The following SWT1 variants were observed in gnomAD, a reference collection of about 807,000 sequenced individuals.
SWT1 encodes SWT1 RNA endoribonuclease homolog, also known as transcriptional protein SWT1.
In SWT1, 33 loss-of-function variants were observed where a neutral mutation model predicts 107.3. That is an observed-to-expected ratio of 0.31 (90% CI 0.23 to 0.41). The LOEUF (loss-of-function observed/expected upper bound fraction) is 0.41, where lower values mean the gene tolerates loss of function less well. Ranked by LOEUF, SWT1 falls within the 10% of genes least tolerant of loss-of-function variation. The pLI, the probability that SWT1 is intolerant of heterozygous loss-of-function variation, is 1.00. For synonymous variants in SWT1, 345 were observed against 348.3 expected (o/e 0.99, Z 0.11); for missense variants, 898 against 1,028.9 (o/e 0.87, Z 1.74).
At chr1:185,231,763 C>T (rs1660523666) in intron 16 of SWT1, 55 bp downstream of exon 16, 1 of 1,431,210 alleles carries the variant, frequency 7.0e-7, no homozygotes, top group South Asian at 1.2e-5. Flanking sequence ...TCTCTTTCTC[C>T]TAGGCTTACC....
At chr1:185,193,679 A>G (rs1657147104) in intron 10 of SWT1, among the ~76,000 whole-genome samples, 1 of 151,898 alleles carries the variant, frequency 6.6e-6, no homozygotes, top group Non-Finnish European at 1.5e-5. Context: ...GTTGGCCAGG[A>G]TGATCTTGAT....
intron 18 of SWT1, among the ~76,000 whole-genome samples, chr1:185,288,075 A>G (rs898130297): frequency 1.3e-5 from 2 of 152,194 alleles, no homozygotes; most frequent in African/African-American, 4.8e-5. Context: ...TTCGTTTTTA[A>G]GTTTGTAAGA....
At chr1:185,167,669 C>A (rs960071185) in intron 3 of SWT1, among the ~76,000 whole-genome samples, 2 of 151,934 alleles carry the variant, frequency 1.3e-5, no homozygotes, top group Non-Finnish European at 2.9e-5. Context: ...ATCCAGTTTT[C>A]TTTTTTTTGT....
At chr1:185,188,036 C>T (rs1365099941) in intron 9 of SWT1, among the ~76,000 whole-genome samples, 1 of 152,158 alleles carries the variant, frequency 6.6e-6, no homozygotes, top group Non-Finnish European at 1.5e-5. Context: ...TTTAAGCATT[C>T]ACTATTGCCA....
At chr1:185,218,161 A>T (rs1659366252) in intron 14 of SWT1, among the ~76,000 whole-genome samples, 1 of 152,224 alleles carries the variant, frequency 6.6e-6, no homozygotes, top group African/African-American at 2.4e-5. Flanking sequence ...CAACAAATAG[A>T]TTACCTCCAA....
chr1:185,224,206 G>A (rs553451057), intron 15 of SWT1, among the ~76,000 whole-genome samples: 3 of 152,204 alleles, frequency 2.0e-5, no homozygotes, highest in African/African-American at 7.2e-5. Flanking sequence ...TTTTCCCAAT[G>A]TGTGTTCTTG....
rs146017104 is a variant in SWT1, at chr1:185,234,035, C to T, written c.2441+2327C>T. Among the ~76,000 whole-genome samples the T allele has an allele frequency of 3.9e-3, 595 of 152,288 alleles. 1 individual carries two copies. Among genetic ancestry groups the T allele is most frequent in the South Asian group, 0.028 (136 of 4,832 alleles). On this transcript the variant is annotated intron_variant, in intron 16 of 18. Coordinates refer to ENST00000367500, the MANE Select transcript of SWT1 (RefSeq NM_017673.7). The stretch of plus-strand genomic sequence containing the variant: ...CTGGGATTACAGGCGTGAGCCTCTG[C>T]GCCCGGCCTAATTTTAAAATAAGGG...
intron 6 of SWT1, among the ~76,000 whole-genome samples, chr1:185,180,934 G>C (rs191523235): frequency 1.2e-3 from 179 of 152,304 alleles, no homozygotes; most frequent in African/African-American, 4.0e-3. Flanking sequence ...CTTGTCCTAA[G>C]TTAAGATGAG....
chr1:185,205,322 C>G (rs1442876989), intron 12 of SWT1, among the ~76,000 whole-genome samples: 2 of 152,116 alleles, frequency 1.3e-5, no homozygotes, highest in Non-Finnish European at 2.9e-5. Context: ...ACCTTTTTGA[C>G]AATCAGTAAA....
intron 2 of SWT1, among the ~76,000 whole-genome samples, chr1:185,163,086 A>G (rs374022075): frequency 6.6e-6 from 1 of 152,134 alleles, no homozygotes; most frequent in East Asian, 1.9e-4. Flanking sequence ...TGGCTTGCTA[A>G]CTGATCAGAG....
At chr1:185,192,579 A>G (rs146037964) in intron 10 of SWT1, among the ~76,000 whole-genome samples, 5 of 151,718 alleles carry the variant, frequency 3.3e-5, no homozygotes, top group East Asian at 3.9e-4. Context: ...AAACTATACA[A>G]TGTTGACAAA....
intron 1 of SWT1, among the ~76,000 whole-genome samples, chr1:185,159,349 A>G (rs899645595): frequency 1.8e-4 from 28 of 152,224 alleles, no homozygotes; most frequent in African/African-American, 6.8e-4. Context: ...TGAATATACA[A>G]CATTTGTCCG....
At chr1:185,263,841 A>G (rs1329760189) in intron 16 of SWT1, 2 of 152,158 alleles carry the variant, frequency 1.3e-5, no homozygotes, top group African/African-American at 4.8e-5. Flanking sequence ...GGCTTCATTT[A>G]CTCTAAATTA....
intron 16 of SWT1, among the ~76,000 whole-genome samples, chr1:185,261,532 C>T (rs1193879585): frequency 2.6e-5 from 4 of 152,108 alleles, no homozygotes; most frequent in Non-Finnish European, 5.9e-5. Flanking sequence ...GTACACTGGA[C>T]CGTATGGTAA....
intron 16 of SWT1, among the ~76,000 whole-genome samples, chr1:185,235,600 A>C (rs1286048791): frequency 1.3e-5 from 2 of 152,234 alleles, no homozygotes; most frequent in Non-Finnish European, 2.9e-5. Flanking sequence ...ACCCATAGCC[A>C]GTATCATACT....
At position 185,204,774 on chromosome 1, in the gene SWT1, G is replaced by A. The variant is rs778836600; in HGVS notation, c.1744G>A (p.Val582Ile). ...ACTGTCCATTCTGCTTGAGAGCATT[G>A]TATCTGATCTTGAAAAATCTCTTGG... ...SGLSILLESIVSDLEKSLGTG... is the reference protein window; with the variant it reads ...SGLSILLESIISDLEKSLGTG... The change falls in exon 12 of 19, where the codon GTA becomes ATA. Residue 582 changes from valine to isoleucine, a missense_variant. This residue lies in a region of SWT1 where 382 missense variants were observed against 460.0 expected (regional missense o/e 0.83). Coordinates refer to ENST00000367500, the MANE Select transcript of SWT1 (RefSeq NM_017673.7). The A allele has an allele frequency of 3.9e-5, 63 of 1,597,060 alleles. No homozygotes were observed. Among genetic ancestry groups the A allele is most frequent in the Admixed American group, 2.1e-4 (12 of 57,148 alleles).
chr1:185,255,985 A>G (rs1558080028), intron 16 of SWT1, among the ~76,000 whole-genome samples: 1 of 151,890 alleles, frequency 6.6e-6, no homozygotes, highest in Non-Finnish European at 1.5e-5. Context: ...GGTGATGACA[A>G]AATCTCTCAG....
At chr1:185,271,567 A>T (rs1318873100) in intron 17 of SWT1, among the ~76,000 whole-genome samples, 178 bp downstream of exon 17, 1 of 151,636 alleles carries the variant, frequency 6.6e-6, no homozygotes, top group Non-Finnish European at 1.5e-5. Flanking sequence ...ACTTTTAAAA[A>T]ATGGTATATT....
At chr1:185,157,349 G>C (rs1653676185) in intron 1 of SWT1, 35 bp downstream of exon 1, 1 of 152,740 alleles carries the variant, frequency 6.5e-6, no homozygotes, top group South Asian at 2.0e-4. Flanking sequence ...GTTTTGCTGG[G>C]CAGGTTCCCC....
Sources: allele counts gnomAD v4.1 joint callset (sites outside exome capture counted in the v4.1 genomes callset), GRCh38; gene constraint gnomAD v4.1.1; regional missense constraint gnomAD v4.1.1; transcripts MANE v1.5; gene names NCBI Gene and HGNC (gene_info 2026-07-23, HGNC 2026-07-21).